ACVR1: variants seen among roughly 807,000 people sequenced by gnomAD.
The protein encoded by ACVR1 is activin receptor type-1.
In ACVR1, 38 loss-of-function variants were observed where a neutral mutation model predicts 57.1. That is an observed-to-expected ratio of 0.67 (90% CI 0.51 to 0.87). The LOEUF (loss-of-function observed/expected upper bound fraction) is 0.87, where lower values mean the gene tolerates loss of function less well. Ranked by LOEUF, ACVR1 falls within the 40% of genes least tolerant of loss-of-function variation. ACVR1 has a pLI of 0.00. For missense variants in ACVR1, 463 were observed against 638.2 expected, an observed-to-expected ratio of 0.73 and a Z score of 2.96; for synonymous variants, 212 against 228.1, an observed-to-expected ratio of 0.93 and a Z score of 0.63.
At chr2:157,775,442 C>T (rs1295024532) in intron 5 of ACVR1, among the ~76,000 whole-genome samples, 1 of 152,152 alleles carries the variant, frequency 6.6e-6, no homozygotes, top group African/African-American at 2.4e-5. Flanking sequence ...TTAATATTCC[C>T]CAAAGCTCAT....
intron 1 of ACVR1, among the ~76,000 whole-genome samples, chr2:157,822,211 A>T (rs1688186134): frequency 6.6e-6 from 1 of 152,266 alleles, no homozygotes; most frequent in Admixed American, 6.5e-5. Flanking sequence ...ACATGGACTT[A>T]GGAAGCAGCC....
At chr2:157,866,964 T>C (rs1262455511) in intron 1 of ACVR1, among the ~76,000 whole-genome samples, 2 of 152,144 alleles carry the variant, frequency 1.3e-5, no homozygotes, top group South Asian at 2.1e-4. Flanking sequence ...ACAAATCCAA[T>C]AGCCAATACA....
At chr2:157,852,102 C>CT (rs2105366434) in intron 1 of ACVR1, among the ~76,000 whole-genome samples, 1 of 152,116 alleles carries the variant, frequency 6.6e-6, no homozygotes, top group Non-Finnish European at 1.5e-5. Flanking sequence ...CATCAAAACA[C>CT]TTTAAAGGAC....
intron 1 of ACVR1, among the ~76,000 whole-genome samples, chr2:157,855,308 GTATATATA>G (rs1200907209): frequency 3.9e-5 from 2 of 51,674 alleles, no homozygotes; most frequent in South Asian, 7.9e-4. Context: ...GTGTGTGTGT[GTATATATA>G]TATATATACA....
chr2:157,744,862 C>T (rs572892020), intron 9 of ACVR1, among the ~76,000 whole-genome samples: 1 of 152,234 alleles, frequency 6.6e-6, no homozygotes, highest in Non-Finnish European at 1.5e-5. Context: ...CCCGGCCACA[C>T]TGCCAGAGGG....
At chr2:157,817,910 G>A (rs919802308) in intron 2 of ACVR1, among the ~76,000 whole-genome samples, 4 of 151,456 alleles carry the variant, frequency 2.6e-5, no homozygotes, top group African/African-American at 9.7e-5. Context: ...GCTGAGGCAG[G>A]AGAATTGCGT....
intron 2 of ACVR1, among the ~76,000 whole-genome samples, chr2:157,810,348 G>T (rs1687708262): frequency 6.6e-6 from 1 of 152,140 alleles, no homozygotes; most frequent in Non-Finnish European, 1.5e-5. Flanking sequence ...AAAACTGTAA[G>T]AACATGATGG....
At chr2:157,788,598 ATTG>A (rs1686798521) in intron 3 of ACVR1, among the ~76,000 whole-genome samples, 3 of 152,186 alleles carry the variant, frequency 2.0e-5, no homozygotes, top group African/African-American at 7.2e-5. Context: ...TTACTTTGCT[ATTG>A]TTGTTAATCT....
chr2:157,854,864 C>T (rs1468946846), intron 1 of ACVR1, among the ~76,000 whole-genome samples: 1 of 151,774 alleles, frequency 6.6e-6, no homozygotes, highest in Non-Finnish European at 1.5e-5. Flanking sequence ...CATGGTAAAA[C>T]CCCAACTCCA....
At chr2:157,778,870 TG>T in intron 4 of ACVR1, among the ~76,000 whole-genome samples, 1 of 152,294 alleles carries the variant, frequency 6.6e-6, no homozygotes, top group East Asian at 1.9e-4. Context: ...ATTCATTCAC[TG>T]ATTCACTCCC....
intron 2 of ACVR1, among the ~76,000 whole-genome samples, chr2:157,817,102 C>T (rs930120055): frequency 6.6e-6 from 1 of 151,966 alleles, no homozygotes; most frequent in Non-Finnish European, 1.5e-5. Context: ...TGGGAATACA[C>T]GAACCTGCCA....
At chr2:157,804,472 G>A (rs555896585) in intron 2 of ACVR1, among the ~76,000 whole-genome samples, 3 of 152,126 alleles carry the variant, frequency 2.0e-5, no homozygotes. Context: ...TCTTGCTTGG[G>A]TTCAACTAAA....
intron 5 of ACVR1, among the ~76,000 whole-genome samples, chr2:157,776,643 T>C (rs1394855581): frequency 6.6e-6 from 1 of 152,170 alleles, no homozygotes; most frequent in African/African-American, 2.4e-5. Context: ...GGCAGTAGAA[T>C]GGGATGTTTC....
chr2:157,788,703 C>A (rs891060957), intron 3 of ACVR1, among the ~76,000 whole-genome samples: 1 of 152,072 alleles, frequency 6.6e-6, no homozygotes, highest in Non-Finnish European at 1.5e-5. Context: ...TGGTTTCAGG[C>A]ATCCACCGGG....
rs976371784 is a variant in ACVR1 at position 157,801,859 on chromosome 2, T to C, written c.-7-2359A>G. On this transcript the variant is annotated intron_variant, in intron 2 of 10. Transcript: ENST00000434821. ...TAAACTATTTCTTATCTCAGTCTTA[T>C]CTGAATTCCCAGTCCTTCATTAATG... Among the ~76,000 whole-genome samples, 3 of 152,350 alleles carry C rather than the reference T, an allele frequency of 2.0e-5. No homozygotes were observed. The East Asian group carries it at 5.8e-4, about 29-fold the overall frequency.
chr2:157,789,010 A>G (rs370087270), intron 3 of ACVR1, among the ~76,000 whole-genome samples: 2 of 152,214 alleles, frequency 1.3e-5, no homozygotes, highest in South Asian at 4.1e-4. Context: ...TTTGCTTTAC[A>G]TATCTTCTTT....
intron 9 of ACVR1, among the ~76,000 whole-genome samples, chr2:157,760,427 A>G (rs758526705): frequency 2.0e-5 from 3 of 152,190 alleles, no homozygotes; most frequent in African/African-American, 7.2e-5. Context: ...ATAATATACT[A>G]TGTATTTCAA....
intron 9 of ACVR1, among the ~76,000 whole-genome samples, chr2:157,742,101 G>A (rs1684798396): frequency 6.6e-6 from 1 of 152,126 alleles, no homozygotes; most frequent in Non-Finnish European, 1.5e-5. Flanking sequence ...GACAGGAGGT[G>A]AGGCCAGACT....
chr2:157,805,087 T>TA (rs1316262272), intron 2 of ACVR1, among the ~76,000 whole-genome samples: 14 of 152,198 alleles, frequency 9.2e-5, no homozygotes, highest in African/African-American at 3.4e-4. Flanking sequence ...TCAGAACCCA[T>TA]ATCAGGCAAT....
Sources: gnomAD v4.1 joint callset for allele counts (sites outside exome capture counted in the v4.1 genomes callset) on GRCh38, gnomAD v4.1.1 for gene constraint, MANE v1.5 for transcripts, NCBI Gene and HGNC (gene_info 2026-07-23, HGNC 2026-07-21) for gene names.